SNX29: variants seen among roughly 807,000 people sequenced by gnomAD.
The protein encoded by SNX29 is sorting nexin-29.
Under a neutral mutation model 102.1 loss-of-function variants are expected in SNX29, and 78 were observed. That is an observed-to-expected ratio of 0.76 (90% CI 0.64 to 0.92). The LOEUF (loss-of-function observed/expected upper bound fraction) is 0.92, where lower values mean the gene tolerates loss of function less well. Ranked by LOEUF, SNX29 falls within the 40% of genes least tolerant of loss-of-function variation. The pLI, the probability that SNX29 is intolerant of heterozygous loss-of-function variation, is 0.00. For synonymous variants in SNX29, 580 were observed against 414.5 expected (o/e 1.40, Z -4.85); for missense variants, 1,280 against 1,061.7 (o/e 1.21, Z -2.86).
At chr16:12,483,127 T>G (rs1389448735) in intron 19 of SNX29, among the ~76,000 whole-genome samples, 2 of 129,702 alleles carry the variant, frequency 1.5e-5, no homozygotes, top group Non-Finnish European at 3.2e-5. Context: ...TTTTTTTTTT[T>G]TTTTTTTTTT....
intron 13 of SNX29, among the ~76,000 whole-genome samples, chr16:12,159,046 G>A (rs1045572415): frequency 5.9e-5 from 9 of 152,224 alleles, no homozygotes; most frequent in Non-Finnish European, 1.2e-4. Context: ...ATATGGTGTA[G>A]GCTTGGGTAG....
Position 12,570,741 on chromosome 16 carries a change from C to T in SNX29, c.*2112C>T, listed in dbSNP as rs180902875. 5.0e-4 allele frequency: 115 copies of T among 231,946 alleles called. No homozygotes were observed. The highest frequency in any genetic ancestry group is 2.3e-3 in the African/African-American group (105 of 45,182). 14.4% of individuals were successfully genotyped at this position (231,946 alleles called of 1,614,324 possible). A position where few individuals can be genotyped will look rare whatever the true frequency, so the allele number is the denominator to read the frequency against. The stretch of plus-strand genomic sequence containing the variant: ...AATTGGTCTCTCTCCAGATACCCCA[C>T]GAGGAAGCACCTTGGACATTCTGCA... On this transcript the variant is annotated 3_prime_UTR_variant, in exon 21 of 21. Transcript: ENST00000566228.
At chr16:12,521,070 C>G (rs1459102808) in intron 19 of SNX29, among the ~76,000 whole-genome samples, 1 of 152,090 alleles carries the variant, frequency 6.6e-6, no homozygotes, top group East Asian at 1.9e-4. Context: ...ATCCCAGCTA[C>G]TTGGGAGGCT....
At chr16:11,978,024 T>C (rs1374800829) in intron 1 of SNX29, among the ~76,000 whole-genome samples, 1 of 152,238 alleles carries the variant, frequency 6.6e-6, no homozygotes, top group Non-Finnish European at 1.5e-5. Context: ...CAAGGGATAC[T>C]GCTGTCTTCA....
At chr16:12,045,267 C>T (rs1001606702) in intron 5 of SNX29, among the ~76,000 whole-genome samples, 2 of 152,202 alleles carry the variant, frequency 1.3e-5, no homozygotes, top group South Asian at 2.1e-4. Context: ...TTTCCAGTCT[C>T]TCACTCAACT....
intron 15 of SNX29, among the ~76,000 whole-genome samples, chr16:12,280,161 C>G (rs2079386711): frequency 6.6e-6 from 1 of 152,198 alleles, no homozygotes; most frequent in Admixed American, 6.5e-5. Flanking sequence ...GAGATGCCTG[C>G]TTTCTGCATC....
chr16:12,553,681 C>T (rs953895753), intron 20 of SNX29, among the ~76,000 whole-genome samples: 2 of 149,440 alleles, frequency 1.3e-5, no homozygotes, highest in South Asian at 2.1e-4. Flanking sequence ...ACCTCCGCCT[C>T]CTGGGTTCAA....
intron 20 of SNX29, among the ~76,000 whole-genome samples, chr16:12,564,127 G>A (rs142101368): frequency 0.015 from 2,265 of 152,226 alleles, 58 homozygotes; most frequent in African/African-American, 0.051. Flanking sequence ...GGTGGATCGT[G>A]CCTATAATCC....
intron 19 of SNX29, among the ~76,000 whole-genome samples, chr16:12,513,342 T>C (rs921095146): frequency 7.0e-6 from 1 of 142,048 alleles, no homozygotes; most frequent in Non-Finnish European, 1.5e-5. Flanking sequence ...TGCCCTGCCC[T>C]GCCCTGCTCT....
intron 19 of SNX29, among the ~76,000 whole-genome samples, chr16:12,481,560 A>T (rs892330449): frequency 7.1e-6 from 1 of 139,934 alleles, no homozygotes; most frequent in African/African-American, 2.7e-5. Context: ...ACACACCCCA[A>T]ATGTCACCCT....
Position 12,329,280 on chromosome 16 carries a change from A to AAAAAG in SNX29, c.1783-26879_1783-26878insGAAAA, listed in dbSNP as rs1356630550. On this transcript the variant is annotated intron_variant, in intron 15 of 20. Coordinates refer to ENST00000566228, the MANE Select transcript of SNX29 (RefSeq NM_032167.5). ...CAACATGGTGAGACCTTGTCTCAAA[A>AAAAAG]AAAAAAAAAAAAAAAGTGAAAAAAT... Among the ~76,000 whole-genome samples, 201 of 149,968 alleles carry AAAAAG rather than the reference A, an allele frequency of 1.3e-3. 3 individuals carry two copies. The highest frequency in any genetic ancestry group is 4.6e-3 in the African/African-American group (187 of 41,040).
chr16:12,075,460 G>A (rs1052845865), intron 10 of SNX29, among the ~76,000 whole-genome samples: 1 of 152,186 alleles, frequency 6.6e-6, no homozygotes, highest in East Asian at 1.9e-4. Context: ...TATCAGCAGC[G>A]GTGTCTGCAG....
At chr16:12,260,441 C>A (rs1002862666) in intron 14 of SNX29, among the ~76,000 whole-genome samples, 1 of 152,228 alleles carries the variant, frequency 6.6e-6, no homozygotes, top group East Asian at 1.9e-4. Flanking sequence ...CTTTGGGCTT[C>A]CTTCCCATGC....
At chr16:12,016,918 G>C (rs2056865903) in intron 3 of SNX29, among the ~76,000 whole-genome samples, 1 of 151,950 alleles carries the variant, frequency 6.6e-6, no homozygotes, top group African/African-American at 2.4e-5. Flanking sequence ...CTTAAGCCCA[G>C]GAGTTACAGA....
Position 12,315,413 on chromosome 16 carries a change from A to G in SNX29, c.1782+37377A>G, listed in dbSNP as rs925430109. On this transcript the variant is annotated intron_variant, in intron 15 of 20. Coordinates refer to ENST00000566228, the MANE Select transcript of SNX29 (RefSeq NM_032167.5). Reference sequence around the variant, plus strand: ...TTCCAGGAAAGCAGCCAGAGATGCTATGTAAACAGAACACAGCAATGCTCA... The same window carrying G: ...TTCCAGGAAAGCAGCCAGAGATGCTGTGTAAACAGAACACAGCAATGCTCA... Among the ~76,000 whole-genome samples the G allele has an allele frequency of 4.6e-5, 7 of 152,200 alleles. 1 individual carries two copies. The highest frequency in any genetic ancestry group is 6.3e-3 in the Middle Eastern group (2 of 316).
intron 15 of SNX29, among the ~76,000 whole-genome samples, chr16:12,289,909 C>T (rs977940634): frequency 1.3e-5 from 2 of 151,966 alleles, no homozygotes; most frequent in Non-Finnish European, 2.9e-5. Context: ...ATACACCCGG[C>T]GAAGGGGCAG....
intron 18 of SNX29, among the ~76,000 whole-genome samples, chr16:12,419,032 A>T (rs10852347): frequency 3.9e-5 from 6 of 151,950 alleles, no homozygotes; most frequent in Non-Finnish European, 8.8e-5. Flanking sequence ...GCTGCTCAAC[A>T]TCCTACAGTG....
chr16:12,544,835 C>T (rs991912216), intron 20 of SNX29, among the ~76,000 whole-genome samples: 6 of 152,198 alleles, frequency 3.9e-5, no homozygotes, highest in Non-Finnish European at 8.8e-5. Flanking sequence ...GCAAGAACTC[C>T]TTGGGGAAAT....
rs891587073 is a variant in SNX29 at position 12,467,770 on chromosome 16, A to G, written c.2038-9949A>G. On this transcript the variant is annotated intron_variant, in intron 18 of 20. Coordinates refer to ENST00000566228, the MANE Select transcript of SNX29 (RefSeq NM_032167.5). ...TAAAATTGACCAGATCCATGTCCTCATGGAGCTGTTCCTCTGGTTGAAGGA... is the reference window on the plus strand; with the variant it reads ...TAAAATTGACCAGATCCATGTCCTCGTGGAGCTGTTCCTCTGGTTGAAGGA... Among the ~76,000 whole-genome samples the G allele has an allele frequency of 4.6e-5, 7 of 152,252 alleles. No homozygotes were observed. In the South Asian group the frequency reaches 1.5e-3, roughly 32 times the overall value.
Sources: gnomAD v4.1 joint callset for allele counts (sites outside exome capture counted in the v4.1 genomes callset) on GRCh38, gnomAD v4.1.1 for gene constraint, MANE v1.5 for transcripts, NCBI Gene and HGNC (gene_info 2026-07-23, HGNC 2026-07-21) for gene names.